Variants in ZNF442 observed in about 807,000 individuals in gnomAD.
The protein encoded by ZNF442 is zinc finger protein 442.
Under a neutral mutation model 57.0 loss-of-function variants are expected in ZNF442, and 45 were observed. The observed-to-expected ratio is 0.79, with a 90% CI of 0.62 to 1.01. The LOEUF (loss-of-function observed/expected upper bound fraction) is 1.01. ZNF442 is among the 50% of genes least tolerant of loss of function. The pLI, the probability that ZNF442 is intolerant of heterozygous loss-of-function variation, is 0.00. For synonymous variants in ZNF442, 213 were observed against 241.8 expected (o/e 0.88, Z 1.10); for missense variants, 690 against 756.5 (o/e 0.91, Z 1.03).
chr19:12,352,168 C>G, intron 4 of ZNF442, 98 bp from the exon 5 acceptor site: 1 of 1,159,196 alleles, frequency 8.6e-7, no homozygotes, highest in South Asian at 1.4e-5. Context: ...GATTCATTCA[C>G]TGAATTGTAG....
At chr19:12,365,309 T>A in intron 1 of ZNF442, 66 bp from the exon 2 acceptor site, 1 of 201,992 alleles carries the variant, frequency 5.0e-6, no homozygotes, top group Middle Eastern at 1.9e-3. Context: ...GGGGCCGCAG[T>A]TGCTGCGCAG....
chr19:12,353,104 G>C lies in ZNF442; in HGVS notation c.89C>G (p.Ala30Gly). ...NEERKQYDSV[A>G]FEDVAVNFTQ... ...GAAGTTCACCGCCACATCCTCAAAG[G>C]CTACTGAATCCTGAAACACCCCACA... The change falls in exon 4 of 6, where the codon GCC becomes GGC. Residue 30 changes from alanine (A) to glycine (G), a missense_variant. By Grantham distance (60) the Ala-to-Gly change is moderately conservative. Coordinates refer to ENST00000242804, the MANE Select transcript of ZNF442 (RefSeq NM_030824.3). 6.2e-7 allele frequency: 1 copy of C among 1,610,538 alleles called. No homozygotes were observed.
chr19:12,357,931 A>C (rs933778489), intron 3 of ZNF442, among the ~76,000 whole-genome samples: 1 of 148,400 alleles, frequency 6.7e-6, no homozygotes, highest in Admixed American at 6.7e-5. Context: ...ATGTTTACAC[A>C]TTATTTACAC....
At chr19:12,361,878 C>A (rs1969433956) in intron 3 of ZNF442, among the ~76,000 whole-genome samples, 1 of 152,200 alleles carries the variant, frequency 6.6e-6, no homozygotes, top group East Asian at 1.9e-4. Context: ...CGCCACCACG[C>A]CTGACTGGTT....
intron 3 of ZNF442, 49 bp from the exon 4 acceptor site, chr19:12,353,163 C>T: frequency 6.5e-7 from 1 of 1,534,166 alleles, no homozygotes. Flanking sequence ...CTGATAGTAC[C>T]AAAAATTTAC....
At chr19:12,373,580 G>A in the ZNF442 span, 1 of 194,434 alleles carries the variant, frequency 5.1e-6, no homozygotes, top group African/African-American at 2.3e-5. Flanking sequence ...CTGAGCGCAA[G>A]ATGGGTCACC....
intron 2 of ZNF442, among the ~76,000 whole-genome samples, 158 bp from the exon 3 acceptor site, chr19:12,363,829 G>A (rs1183586490): frequency 2.0e-5 from 3 of 152,138 alleles, no homozygotes; most frequent in East Asian, 3.9e-4. Context: ...AATGACCCAG[G>A]GACTGATATT....
the ZNF442 span, among the ~76,000 whole-genome samples, chr19:12,371,165 A>C: frequency 6.6e-6 from 1 of 152,214 alleles, no homozygotes; most frequent in Non-Finnish European, 1.5e-5. Context: ...TAATTCAATG[A>C]AACAAAATCC....
chr19:12,357,230 T>G (rs1472761883), intron 3 of ZNF442, among the ~76,000 whole-genome samples: 1 of 152,208 alleles, frequency 6.6e-6, no homozygotes, highest in Non-Finnish European at 1.5e-5. Flanking sequence ...CTATTTTTTT[T>G]GCATTACATT....
chr19:12,363,133 T>G (rs1183974490), intron 3 of ZNF442, among the ~76,000 whole-genome samples: 1 of 120,742 alleles, frequency 8.3e-6, no homozygotes, highest in Non-Finnish European at 1.6e-5. Flanking sequence ...CATTCCAGCC[T>G]GGGCAACAGT....
At chr19:12,351,441 A>AGC in intron 5 of ZNF442, 123 bp from the exon 6 acceptor site, 2 of 816,520 alleles carry the variant, frequency 2.4e-6, no homozygotes, top group Non-Finnish European at 3.8e-6. Context: ...CACTGCTTGA[A>AGC]CGTGAATGGA....
Position 12,349,606 on chromosome 19 carries a change from G to C in ZNF442, c.*95C>G. 1 of 1,287,412 alleles carries C rather than the reference G, an allele frequency of 7.8e-7. No homozygotes were observed. Among genetic ancestry groups the C allele is most frequent in the Non-Finnish European group, 1.1e-6 (1 of 939,376 alleles). 79.7% of individuals were successfully genotyped at this position (1,287,412 alleles called of 1,614,324 possible). On this transcript the variant is annotated 3_prime_UTR_variant, in exon 6 of 6. Coordinates refer to ENST00000242804, the MANE Select transcript of ZNF442 (RefSeq NM_030824.3). The stretch of plus-strand genomic sequence containing the variant: ...CCATATTCAAAAGAAACATCTTAAG[G>C]CTTTACCATGTGTTTGCATTCATGA...
chr19:12,362,354 C>A (rs1197988051), intron 3 of ZNF442, among the ~76,000 whole-genome samples: 1 of 151,960 alleles, frequency 6.6e-6, no homozygotes, highest in Non-Finnish European at 1.5e-5. Context: ...ATGTGAGGAG[C>A]GCCTCTGCCC....
intron 3 of ZNF442, among the ~76,000 whole-genome samples, chr19:12,362,958 A>G (rs997242876): frequency 2.0e-5 from 3 of 151,658 alleles, no homozygotes; most frequent in African/African-American, 7.3e-5. Context: ...CCTGGCCAAC[A>G]TAGTGAAACC....
At chr19:12,356,636 A>AAAAAAAAAAAAAG (rs1032081069) in intron 3 of ZNF442, among the ~76,000 whole-genome samples, 1 of 151,772 alleles carries the variant, frequency 6.6e-6, no homozygotes, top group African/African-American at 2.4e-5. Flanking sequence ...TCAAAAAAAA[A>AAAAAAAAAAAAAG]AGAGAGAGAG....
At chr19:12,372,981 C>T in the ZNF442 span, among the ~76,000 whole-genome samples, 4 of 152,170 alleles carry the variant, frequency 2.6e-5, no homozygotes, top group East Asian at 1.9e-4. Context: ...ACCATGTTGG[C>T]CAGGATGGTC....
In ZNF442 at chr19:12,350,710, G is replaced by A. The variant is rs754071501; in HGVS notation, c.875C>T (p.Pro292Leu). Reference protein sequence around the residue: ...RHERTHTGEKPYKCKRCGRAF... With the variant: ...RHERTHTGEKLYKCKRCGRAF... Reference sequence around the variant, plus strand: ...TCTTCCACATCGTTTACATTTATAGGGTTTTTCTCCAGTGTGAGTTCTTTC... The same window carrying A: ...TCTTCCACATCGTTTACATTTATAGAGTTTTTCTCCAGTGTGAGTTCTTTC... The change falls in exon 6 of 6, where the codon CCC becomes CTC. Residue 292 changes from proline (P) to leucine (L), a missense_variant. Transcript: ENST00000242804. 8.1e-6 allele frequency: 13 copies of A among 1,613,826 alleles called. No homozygotes were observed. The highest frequency in any genetic ancestry group is 1.1e-5 in the Non-Finnish European group (13 of 1,180,018).
upstream of ZNF442, among the ~76,000 whole-genome samples, chr19:12,367,250 G>A (rs151302417): frequency 2.6e-4 from 40 of 152,206 alleles, no homozygotes; most frequent in East Asian, 3.7e-3. Context: ...ATCACATATC[G>A]GCAGGTTCCA....
At position 12,349,745 on chromosome 19, in the gene ZNF442, A is replaced by G; in HGVS notation, c.1840T>C (p.Ser614Pro). The change falls in exon 6 of 6, where the codon TCC becomes CCC. Residue 614 changes from serine (S) to proline (P), a missense_variant. Ser to Pro is a moderately conservative substitution (Grantham distance 74). Coordinates refer to ENST00000242804, the MANE Select transcript of ZNF442 (RefSeq NM_030824.3). ...ECGKALSSLS[S>P]LHRHKRTHWR... ...TGAGTCCTTTTATGTCTATGCAAGG[A>G]ACTGAGAGAACTCAGTGCCTTCCCA... The G allele has an allele frequency of 6.2e-7, 1 of 1,613,864 alleles. No homozygotes were observed.
Sources: allele counts gnomAD v4.1 joint callset (sites outside exome capture counted in the v4.1 genomes callset), GRCh38; gene constraint gnomAD v4.1.1; transcripts MANE v1.5; gene names NCBI Gene and HGNC (gene_info 2026-07-23, HGNC 2026-07-21).